CNTNAP5: variants seen among roughly 807,000 people sequenced by gnomAD.
CNTNAP5 encodes contactin-associated protein-like 5.
CNTNAP5 carries 72 observed loss-of-function variants against 150.2 expected under a neutral mutation model. The observed-to-expected ratio is 0.48, with a 90% CI of 0.40 to 0.58. CNTNAP5 has a LOEUF of 0.58. Among genes scored for constraint, CNTNAP5 ranks in the 20% least tolerant of loss-of-function variants. The pLI, the probability that CNTNAP5 is intolerant of heterozygous loss-of-function variation, is 0.00. For missense variants in CNTNAP5, 1,636 were observed against 1,626.2 expected (o/e 1.01, Z -0.10); for synonymous variants, 672 against 619.8 (o/e 1.08, Z -1.25).
intron 19 of CNTNAP5, among the ~76,000 whole-genome samples, chr2:124,860,090 G>A (rs998509287): frequency 2.6e-5 from 4 of 151,886 alleles, no homozygotes; most frequent in Admixed American, 6.6e-5. Context: ...GGTGACTCAC[G>A]CCTGTAATCC....
At chr2:124,283,439 G>T (rs751100664) in intron 3 of CNTNAP5, among the ~76,000 whole-genome samples, 1 of 152,168 alleles carries the variant, frequency 6.6e-6, no homozygotes, top group African/African-American at 2.4e-5. Context: ...GCCACAGTTG[G>T]AGACATCCTG....
chr2:124,142,612 C>T (rs1431577967), intron 1 of CNTNAP5, among the ~76,000 whole-genome samples: 4 of 135,646 alleles, frequency 2.9e-5, no homozygotes, highest in African/African-American at 1.1e-4. Flanking sequence ...ACACCACATA[C>T]CAGAATCTCT....
At chr2:124,743,540 G>A (rs1275160429) in intron 13 of CNTNAP5, among the ~76,000 whole-genome samples, 1 of 152,136 alleles carries the variant, frequency 6.6e-6, no homozygotes, top group Non-Finnish European at 1.5e-5. Flanking sequence ...TGGGGAGACA[G>A]GGGTTGCAGC....
rs1239768021 is a variant in CNTNAP5 at position 124,594,524 on chromosome 2, G to A, written c.1757-15277G>A. Among the ~76,000 whole-genome samples the A allele has an allele frequency of 7.3e-5, 11 of 150,008 alleles. No homozygotes were observed. In the East Asian group the frequency reaches 1.8e-3, roughly 25 times the overall value. On this transcript the variant is annotated intron_variant, in intron 11 of 23. Transcript: ENST00000682447. ...TCTGTTTTGGTACCAGTACCATGCT[G>A]TTTTGGTTACTGTAGCCTTGTAGTA...
At chr2:124,250,991 G>T (rs1687158700) in intron 3 of CNTNAP5, among the ~76,000 whole-genome samples, 1 of 152,142 alleles carries the variant, frequency 6.6e-6, no homozygotes, top group Non-Finnish European at 1.5e-5. Context: ...CACTGATTAT[G>T]TGAGGCTAAT....
At chr2:124,668,277 C>T (rs761145187) in intron 13 of CNTNAP5, among the ~76,000 whole-genome samples, 17 of 152,138 alleles carry the variant, frequency 1.1e-4, no homozygotes, top group Non-Finnish European at 2.1e-4. Context: ...CAAGAGATTC[C>T]ACTAGGTTAT....
intron 3 of CNTNAP5, among the ~76,000 whole-genome samples, chr2:124,390,182 G>A (rs1418971962): frequency 2.0e-5 from 3 of 152,084 alleles, no homozygotes; most frequent in Admixed American, 1.3e-4. Context: ...CCTGGCTCTA[G>A]ATAATCCAAC....
chr2:124,679,959 G>T (rs117677278), intron 13 of CNTNAP5, among the ~76,000 whole-genome samples: 1 of 151,564 alleles, frequency 6.6e-6, no homozygotes, highest in African/African-American at 2.4e-5. Flanking sequence ...CAAGAAGTTC[G>T]AGACCCCCGC....
intron 21 of CNTNAP5, among the ~76,000 whole-genome samples, chr2:124,881,419 T>A (rs1479988143): frequency 2.6e-5 from 4 of 151,966 alleles, no homozygotes; most frequent in African/African-American, 9.7e-5. Context: ...TACAGCAGAT[T>A]TTTCCAGTCA....
chr2:124,467,775 C>T (rs1693411626), intron 6 of CNTNAP5, among the ~76,000 whole-genome samples: 2 of 152,204 alleles, frequency 1.3e-5, no homozygotes, highest in South Asian at 4.2e-4. Flanking sequence ...AATCAGGGTG[C>T]AAATTCACAC....
intron 1 of CNTNAP5, among the ~76,000 whole-genome samples, chr2:124,210,850 C>T (rs1338716275): frequency 1.3e-5 from 2 of 152,220 alleles, no homozygotes; most frequent in East Asian, 1.9e-4. Context: ...AACATATTCG[C>T]ATTTTAAAAA....
chr2:124,230,177 C>T (rs891649881), intron 2 of CNTNAP5, among the ~76,000 whole-genome samples: 2 of 152,116 alleles, frequency 1.3e-5, no homozygotes, highest in Non-Finnish European at 1.5e-5. Context: ...ATACCACTTC[C>T]TTGGGCAGTA....
intron 13 of CNTNAP5, among the ~76,000 whole-genome samples, chr2:124,719,689 A>G (rs1680012566): frequency 6.6e-6 from 1 of 152,108 alleles, no homozygotes; most frequent in African/African-American, 2.4e-5. Context: ...CTTAAACTAT[A>G]TCCCCATTTT....
intron 1 of CNTNAP5, among the ~76,000 whole-genome samples, chr2:124,195,190 G>A (rs960090145): frequency 2.0e-5 from 3 of 152,250 alleles, no homozygotes; most frequent in Non-Finnish European, 2.9e-5. Flanking sequence ...ACCACTGGGA[G>A]TGGTATGGCC....
intron 10 of CNTNAP5, among the ~76,000 whole-genome samples, chr2:124,557,002 T>TG (rs766068332): frequency 7.3e-5 from 11 of 150,674 alleles, no homozygotes; most frequent in East Asian, 1.9e-4. Flanking sequence ...TTCTCCTGCC[T>TG]TCCCCCCCGC....
In CNTNAP5 at chr2:124,372,327, A is replaced by G. The variant is rs117421309; in HGVS notation, c.382-45116A>G. On this transcript the variant is annotated intron_variant, in intron 3 of 23. Coordinates refer to ENST00000682447, the MANE Select transcript of CNTNAP5 (RefSeq NM_001367498.1). Reference sequence around the variant, plus strand: ...CATTTGGACTTGGGCTGAGCATGCTACCAGCTTTTTTTGTTCTCCAGCTTG... The same window carrying G: ...CATTTGGACTTGGGCTGAGCATGCTGCCAGCTTTTTTTGTTCTCCAGCTTG... Among the ~76,000 whole-genome samples the G allele has an allele frequency of 8.2e-4, 124 of 152,092 alleles. 3 individuals are homozygous for G. The East Asian group carries it at 0.021, about 26-fold the overall frequency.
At chr2:124,529,079 G>C (rs1380255702) in intron 10 of CNTNAP5, among the ~76,000 whole-genome samples, 1 of 127,100 alleles carries the variant, frequency 7.9e-6, no homozygotes, top group Non-Finnish European at 1.7e-5. Context: ...TTTTCTATTT[G>C]ACCAGCTGAA....
intron 1 of CNTNAP5, among the ~76,000 whole-genome samples, chr2:124,161,846 T>G (rs1684688665): frequency 6.6e-6 from 1 of 152,188 alleles, no homozygotes; most frequent in African/African-American, 2.4e-5. Context: ...TTTAGAAAGC[T>G]TTTCAGAATT....
intron 12 of CNTNAP5, among the ~76,000 whole-genome samples, chr2:124,632,401 CA>C (rs1677883011): frequency 6.6e-6 from 1 of 152,106 alleles, no homozygotes; most frequent in Non-Finnish European, 1.5e-5. Flanking sequence ...ATGTCCTTTG[CA>C]GGGACACGAA....
Sources: allele counts gnomAD v4.1 joint callset (sites outside exome capture counted in the v4.1 genomes callset), GRCh38; gene constraint gnomAD v4.1.1; transcripts MANE v1.5; gene names NCBI Gene and HGNC (gene_info 2026-07-23, HGNC 2026-07-21).